The following KAZN variants were observed in gnomAD, a reference collection of about 807,000 sequenced individuals.
KAZN encodes the protein kazrin, periplakin interacting protein.
In KAZN, 40 loss-of-function variants were observed where a neutral mutation model predicts 87.4. The observed-to-expected ratio is 0.46, with a 90% CI of 0.36 to 0.60. The LOEUF is 0.60. Ranked by LOEUF, KAZN falls within the 20% of genes least tolerant of loss-of-function variation. The probability of loss-of-function intolerance (pLI) is 0.00; values close to 1 mark genes in which losing one functional copy is unlikely to be tolerated. For missense variants in KAZN, 898 were observed against 1,073.9 expected, an observed-to-expected ratio of 0.84 and a Z score of 2.29; for synonymous variants, 466 against 458.3, an observed-to-expected ratio of 1.02 and a Z score of -0.22.
chr1:13,998,179 A>T (rs1639614921), intron 1 of KAZN, among the ~76,000 whole-genome samples: 1 of 152,162 alleles, frequency 6.6e-6, no homozygotes, highest in South Asian at 2.1e-4. Context: ...ATGCTGAGGG[A>T]TTTCGTTACC....
At chr1:15,091,737 G>A (rs777263544) in intron 8 of KAZN, among the ~76,000 whole-genome samples, 13 of 152,308 alleles carry the variant, frequency 8.5e-5, no homozygotes, top group Admixed American at 3.3e-4. Context: ...TGAATGGAGC[G>A]TCATTCCTTC....
At chr1:15,103,286 G>A in intron 11 of KAZN, 73 bp from the exon 12 acceptor site, 2 of 1,103,132 alleles carry the variant, frequency 1.8e-6, no homozygotes, top group Non-Finnish European at 2.7e-6. Flanking sequence ...AAGAGATGCG[G>A]GGCACCCCCA....
chr1:14,365,339 GC>G (rs931254569), intron 2 of KAZN, among the ~76,000 whole-genome samples: 21 of 141,096 alleles, frequency 1.5e-4, no homozygotes, highest in African/African-American at 4.8e-4. Context: ...GAGCCACCGC[GC>G]CCCGGCGCCC....
chr1:15,015,494 C>T (rs1669996153), intron 2 of KAZN, among the ~76,000 whole-genome samples: 1 of 152,156 alleles, frequency 6.6e-6, no homozygotes, highest in African/African-American at 2.4e-5. Context: ...ACAAAGCTCA[C>T]GGCCAGTTGC....
At chr1:14,421,431 T>A (rs2101318242) in intron 2 of KAZN, among the ~76,000 whole-genome samples, 1 of 152,294 alleles carries the variant, frequency 6.6e-6, no homozygotes, top group South Asian at 2.1e-4. Context: ...AAAGCCACAT[T>A]GGGAGAAAAC....
intron 2 of KAZN, among the ~76,000 whole-genome samples, chr1:14,389,660 A>T (rs1662250455): frequency 6.6e-6 from 1 of 152,098 alleles, no homozygotes; most frequent in Non-Finnish European, 1.5e-5. Context: ...AAACAATTTA[A>T]CTCATGGAGA....
intron 1 of KAZN, among the ~76,000 whole-genome samples, chr1:14,010,357 A>T (rs572467043): frequency 3.3e-4 from 50 of 152,370 alleles, no homozygotes; most frequent in African/African-American, 1.2e-3. Context: ...TTCTAGGAAG[A>T]AGGGCTGGGG....
chr1:14,194,167 A>C (rs939508531), intron 2 of KAZN, among the ~76,000 whole-genome samples: 2 of 152,080 alleles, frequency 1.3e-5, no homozygotes, highest in African/African-American at 4.8e-5. Flanking sequence ...AGGGCTTCTT[A>C]ATCAGTTTCA....
rs934305304 is a variant in KAZN, at chr1:14,993,623, G to A, written c.418+32748G>A. On this transcript the variant is annotated intron_variant, in intron 2 of 14. Transcript: ENST00000376030. ...CCCCACTCCCCGCCGCCACCCCCCT[G>A]CTGCCTCGACTCTCGTCTGGGAGGG... is the stretch of plus-strand genomic sequence containing the variant. Among the ~76,000 whole-genome samples the A allele has an allele frequency of 7.9e-5, 12 of 152,160 alleles. 1 individual carries two copies. The highest frequency in any genetic ancestry group is 2.9e-4 in the African/African-American group (12 of 41,444).
At chr1:14,026,407 A>G (rs777007208) in intron 1 of KAZN, among the ~76,000 whole-genome samples, 3 of 152,166 alleles carry the variant, frequency 2.0e-5, no homozygotes, top group Non-Finnish European at 4.4e-5. Context: ...TGAAGACCCT[A>G]TGGTGGGGGT....
At chr1:14,329,372 G>C (rs1259259561) in intron 2 of KAZN, among the ~76,000 whole-genome samples, 1 of 152,198 alleles carries the variant, frequency 6.6e-6, no homozygotes, top group Non-Finnish European at 1.5e-5. Flanking sequence ...AGTGTGGGCA[G>C]AGATAGTCCC....
At chr1:14,710,218 T>G (rs56700180) in intron 1 of KAZN, among the ~76,000 whole-genome samples, 1 of 152,146 alleles carries the variant, frequency 6.6e-6, no homozygotes, top group East Asian at 1.9e-4. Context: ...ATCTTCAGAA[T>G]TTACCCATTT....
At chr1:14,795,593 A>G (rs1421262563) in intron 1 of KAZN, among the ~76,000 whole-genome samples, 3 of 151,964 alleles carry the variant, frequency 2.0e-5, no homozygotes, top group Non-Finnish European at 2.9e-5. Flanking sequence ...TTTCCCATCC[A>G]TCAGAACCTG....
intron 1 of KAZN, among the ~76,000 whole-genome samples, chr1:14,059,298 T>G (rs1251669884): frequency 1.3e-5 from 2 of 152,166 alleles, no homozygotes; most frequent in Non-Finnish European, 2.9e-5. Context: ...CCAAGGAAGC[T>G]GACAGTGCAG....
chr1:14,210,539 A>C (rs1646833559), intron 2 of KAZN, among the ~76,000 whole-genome samples: 1 of 152,170 alleles, frequency 6.6e-6, no homozygotes, highest in African/African-American at 2.4e-5. Flanking sequence ...GAATATATTA[A>C]TTAAACATGC....
At chr1:14,090,841 C>T (rs372146871) in intron 1 of KAZN, among the ~76,000 whole-genome samples, 14 of 152,208 alleles carry the variant, frequency 9.2e-5, no homozygotes, top group East Asian at 5.8e-4. Flanking sequence ...CAGCCGGGTG[C>T]GGTGGCTCAG....
At chr1:14,049,616 GCCCTCTCT>G (rs1346476167) in intron 1 of KAZN, among the ~76,000 whole-genome samples, 2 of 152,056 alleles carry the variant, frequency 1.3e-5, no homozygotes, top group Non-Finnish European at 2.9e-5. Flanking sequence ...CACACTCCAT[GCCCTCTCT>G]CCCTCTCTTC....
At chr1:14,764,385 C>A (rs770526521) in intron 1 of KAZN, among the ~76,000 whole-genome samples, 1 of 64,416 alleles carries the variant, frequency 1.6e-5, no homozygotes, top group Non-Finnish European at 3.8e-5. Flanking sequence ...CCCTCCCCCA[C>A]ACCCCCCCCA....
At chr1:14,719,903 G>C (rs1159587392) in intron 1 of KAZN, among the ~76,000 whole-genome samples, 1 of 152,186 alleles carries the variant, frequency 6.6e-6, no homozygotes, top group Non-Finnish European at 1.5e-5. Context: ...TCTAGGCAGA[G>C]GGAATGGCCA....
Sources: gnomAD v4.1 joint callset for allele counts (sites outside exome capture counted in the v4.1 genomes callset) on GRCh38, gnomAD v4.1.1 for gene constraint, MANE v1.5 for transcripts, NCBI Gene and HGNC (gene_info 2026-07-23, HGNC 2026-07-21) for gene names.